SGMS1: variants seen among roughly 807,000 people sequenced by gnomAD.
The protein encoded by SGMS1 is sphingomyelin synthase 1, also known as phosphatidylcholine:ceramide cholinephosphotransferase 1.
Under a neutral mutation model 46.2 loss-of-function variants are expected in SGMS1, and 13 were observed. That is an observed-to-expected ratio of 0.28 (90% CI 0.18 to 0.45). The LOEUF (loss-of-function observed/expected upper bound fraction) is 0.45. Among genes scored for constraint, SGMS1 ranks in the 20% least tolerant of loss-of-function variants. The pLI is 1.00. For missense variants in SGMS1, 324 were observed against 519.9 expected (o/e 0.62, Z 3.66); for synonymous variants, 203 against 187.8 (o/e 1.08, Z -0.66).
chr10:50,409,172 C>T lies in SGMS1; in HGVS notation c.-232+24304G>A, dbSNP rs922875357. ...GGGTACATGTGATAGTTTTTGCATGCATAGACTGTGATGATCAACTCAAAG... is the reference window on the plus strand; with the variant it reads ...GGGTACATGTGATAGTTTTTGCATGTATAGACTGTGATGATCAACTCAAAG... On this transcript the variant is annotated intron_variant, in intron 6 of 10. Coordinates refer to ENST00000361781, the MANE Select transcript of SGMS1 (RefSeq NM_147156.4). Among the ~76,000 whole-genome samples the T allele has an allele frequency of 2.0e-5, 3 of 152,208 alleles. No individual in the cohort carries two copies. The South Asian group carries it at 6.2e-4, about 32-fold the overall frequency.
intron 2 of SGMS1, among the ~76,000 whole-genome samples, chr10:50,562,855 C>T (rs1425962384): frequency 6.6e-6 from 1 of 152,024 alleles, no homozygotes; most frequent in Non-Finnish European, 1.5e-5. Flanking sequence ...TCTCCATACT[C>T]TTTAGGAACT....
chr10:50,607,503 G>T (rs973462341), intron 1 of SGMS1, among the ~76,000 whole-genome samples: 2 of 152,214 alleles, frequency 1.3e-5, no homozygotes, highest in African/African-American at 4.8e-5. Context: ...TGCAGGCAGT[G>T]AAAGCTAAGA....
intron 6 of SGMS1, among the ~76,000 whole-genome samples, chr10:50,355,421 C>T (rs372211765): frequency 5.9e-5 from 9 of 152,270 alleles, no homozygotes; most frequent in Non-Finnish European, 8.8e-5. Flanking sequence ...ATTGCAGGCG[C>T]GCGCCACCAC....
chr10:50,617,909 G>C (rs1223831073), intron 1 of SGMS1, among the ~76,000 whole-genome samples: 1 of 149,358 alleles, frequency 6.7e-6, no homozygotes, highest in Admixed American at 6.7e-5. Flanking sequence ...GTAGAGACAG[G>C]GTCTCTCCAT....
intron 4 of SGMS1, among the ~76,000 whole-genome samples, chr10:50,463,825 G>T (rs979931299): frequency 6.6e-6 from 1 of 152,116 alleles, no homozygotes; most frequent in Non-Finnish European, 1.5e-5. Flanking sequence ...ACATACAATG[G>T]AATATTATTC....
At chr10:50,568,713 C>G (rs548167279) in intron 2 of SGMS1, among the ~76,000 whole-genome samples, 17 of 152,174 alleles carry the variant, frequency 1.1e-4, no homozygotes, top group Non-Finnish European at 2.1e-4. Flanking sequence ...ATAGTACACA[C>G]AAATTATTTT....
chr10:50,572,167 G>A (rs1285211743), intron 2 of SGMS1, among the ~76,000 whole-genome samples: 1 of 152,150 alleles, frequency 6.6e-6, no homozygotes, highest in Admixed American at 6.5e-5. Flanking sequence ...CTGCAGGGTT[G>A]TGTCCCTTCT....
intron 6 of SGMS1, among the ~76,000 whole-genome samples, chr10:50,386,425 T>C (rs957664951): frequency 6.6e-6 from 1 of 152,168 alleles, no homozygotes; most frequent in African/African-American, 2.4e-5. Context: ...TGTGATGCCA[T>C]AGCTTTTTCT....
At chr10:50,598,046 A>G (rs905648068) in intron 1 of SGMS1, among the ~76,000 whole-genome samples, 1 of 151,728 alleles carries the variant, frequency 6.6e-6, no homozygotes, top group African/African-American at 2.4e-5. Context: ...AATTCACAGA[A>G]GTTGCTACAC....
At chr10:50,498,919 C>T (rs1049147797) in intron 3 of SGMS1, among the ~76,000 whole-genome samples, 67 of 152,302 alleles carry the variant, frequency 4.4e-4, no homozygotes, top group African/African-American at 1.6e-3. Context: ...TACCATTTTA[C>T]ATTCCCACCA....
chr10:50,310,731 C>T lies in SGMS1; in HGVS notation c.895+531G>A, dbSNP rs374609589. Among the ~76,000 whole-genome samples, 6 of 152,104 alleles carry T rather than the reference C, an allele frequency of 3.9e-5. No individual in the cohort carries two copies. In the South Asian group the frequency reaches 1.2e-3, roughly 32 times the overall value. ...TTTATAATATTATTTTGTGATTTCACAATAAAATATTTTAAGTACGTTTCT... is the reference window on the plus strand; with the variant it reads ...TTTATAATATTATTTTGTGATTTCATAATAAAATATTTTAAGTACGTTTCT... On this transcript the variant is annotated intron_variant, in intron 9 of 10. Transcript: ENST00000361781.
At chr10:50,364,621 T>C (rs1848305144) in intron 6 of SGMS1, among the ~76,000 whole-genome samples, 1 of 152,202 alleles carries the variant, frequency 6.6e-6, no homozygotes, top group African/African-American at 2.4e-5. Flanking sequence ...AACCTTGTAA[T>C]GGGCAATAGT....
At chr10:50,337,092 A>G (rs1681574033) in intron 7 of SGMS1, among the ~76,000 whole-genome samples, 1 of 152,204 alleles carries the variant, frequency 6.6e-6, no homozygotes, top group African/African-American at 2.4e-5. Context: ...AGAGAATTAA[A>G]TAATGGGTAA....
At position 50,327,253 on chromosome 10, in the gene SGMS1, A is replaced by G. The variant is rs1459531690; in HGVS notation, c.693T>C (p.Tyr231=). The G allele has an allele frequency of 1.2e-6, 2 of 1,609,916 alleles. No homozygotes were observed. ...TLYLYRCITM[Y]VTTLPVPGMH... Reference sequence around the variant, plus strand: ...TACCAGGTACTGGGAGTGTAGTTACATACATTGTAATACACCGATACAGGT... The same window carrying G: ...TACCAGGTACTGGGAGTGTAGTTACGTACATTGTAATACACCGATACAGGT... The change falls in exon 8 of 11, where the codon TAT becomes TAC. Residue 231 remains tyrosine, a synonymous_variant. Transcript: ENST00000361781.
At chr10:50,528,034 A>T (rs1837920139) in intron 2 of SGMS1, among the ~76,000 whole-genome samples, 1 of 152,198 alleles carries the variant, frequency 6.6e-6, no homozygotes. Flanking sequence ...AAATAATAAA[A>T]ATACTAAATA....
chr10:50,315,524 T>C lies in SGMS1; in HGVS notation c.742-4109A>G, dbSNP rs1847325722. 2.0e-5 allele frequency among the ~76,000 whole-genome samples: 3 copies of C among 152,358 alleles called. No homozygotes were observed. The South Asian group carries it at 6.2e-4, about 32-fold the overall frequency. ...AGGAAACTCTGGACTGGGTCTTTCA[T>C]ACCTTGCATTTTGGTTTCCTTCCTC... On this transcript the variant is annotated intron_variant, in intron 8 of 10. Coordinates refer to ENST00000361781, the MANE Select transcript of SGMS1 (RefSeq NM_147156.4).
At chr10:50,395,095 T>C (rs1279909027) in intron 6 of SGMS1, among the ~76,000 whole-genome samples, 2 of 152,172 alleles carry the variant, frequency 1.3e-5, no homozygotes, top group Non-Finnish European at 2.9e-5. Flanking sequence ...ATCAAGCCCC[T>C]GAGGGTGATA....
chr10:50,352,543 G>A (rs1176750368), intron 6 of SGMS1, among the ~76,000 whole-genome samples: 1 of 152,152 alleles, frequency 6.6e-6, no homozygotes, highest in Non-Finnish European at 1.5e-5. Context: ...AGACACAGAA[G>A]TAGCACAGAA....
rs150503462 is a variant in SGMS1, at chr10:50,323,864, A to C, written c.741+3341T>G. Among the ~76,000 whole-genome samples the C allele has an allele frequency of 3.3e-4, 51 of 152,346 alleles. 1 individual carries two copies. Among genetic ancestry groups the C allele is most frequent in the African/African-American group, 1.2e-3 (48 of 41,584 alleles). ...TCCTTAGGGCCAGTAGCTTAGCTTG[A>C]GGCCCTTATCACAGCATTTTACACA... On this transcript the variant is annotated intron_variant, in intron 8 of 10. Transcript: ENST00000361781.
Sources: allele counts gnomAD v4.1 joint callset (sites outside exome capture counted in the v4.1 genomes callset), GRCh38; gene constraint gnomAD v4.1.1; transcripts MANE v1.5; gene names NCBI Gene and HGNC (gene_info 2026-07-23, HGNC 2026-07-21).